The following DNAH10 variants were observed in gnomAD, a reference collection of about 807,000 sequenced individuals.
DNAH10 encodes axonemal beta dynein heavy chain 10.
In DNAH10, 348 loss-of-function variants were observed where a neutral mutation model predicts 506.6. The observed-to-expected ratio is 0.69, with a 90% confidence interval of 0.63 to 0.75. The LOEUF (loss-of-function observed/expected upper bound fraction) is 0.75, where lower values mean the gene tolerates loss of function less well. DNAH10 is among the 30% of genes least tolerant of loss of function. DNAH10 has a pLI of 0.00. For synonymous variants in DNAH10, 2,059 were observed against 2,198.6 expected (o/e 0.94, Z 1.78); for missense variants, 5,179 against 5,787.1 (o/e 0.89, Z 3.41).
At position 123,785,918 on chromosome 12, in the gene DNAH10, A is replaced by G; in HGVS notation, c.1403A>G (p.Asn468Ser). 1.9e-6 allele frequency: 3 copies of G among 1,612,148 alleles called. No individual in the cohort carries two copies. Among genetic ancestry groups the G allele is most frequent in the South Asian group, 1.1e-5 (1 of 91,030 alleles). Reference protein sequence around the residue: ...EIAERVCRVVNLRTLFKENRA... With the variant: ...EIAERVCRVVSLRTLFKENRA... ...GCTGAGAGAGTCTGCCGAGTGGTCA[A>G]CCTGCGGACTTTGTTCAAGTAAGAA... Residue 468 changes from asparagine to serine, a missense_variant, in exon 9 of 79, where the codon AAC becomes AGC. Coordinates refer to ENST00000673944, the MANE Select transcript of DNAH10 (RefSeq NM_001372106.1). This position sits in a 1 kb window ranked among gnomAD's most constrained non-coding sequence, Gnocchi z 4.1.
chr12:123,932,513 T>C (rs1955264983), intron 76 of DNAH10: 1 of 176,068 alleles, frequency 5.7e-6, no homozygotes, highest in South Asian at 1.5e-4. Flanking sequence ...ACAAATAACA[T>C]TCTGGTGCAC....
intron 11 of DNAH10, among the ~76,000 whole-genome samples, chr12:123,791,729 T>C (rs1958087699): frequency 6.6e-6 from 1 of 152,004 alleles, no homozygotes; most frequent in African/African-American, 2.4e-5. Flanking sequence ...AGCATGTGTC[T>C]GGCTAATTTT....
intron 10 of DNAH10, among the ~76,000 whole-genome samples, 197 bp downstream of exon 10, chr12:123,788,199 G>T (rs1172091321): frequency 6.6e-6 from 1 of 152,170 alleles, no homozygotes; most frequent in African/African-American, 2.4e-5. Context: ...GCGACTTTTT[G>T]TTGCTTTCTC....
chr12:123,801,223 G>A, intron 15 of DNAH10, 58 bp from the exon 16 acceptor site: 1 of 1,526,404 alleles, frequency 6.6e-7, no homozygotes, highest in Non-Finnish European at 8.8e-7. Context: ...GACCGCAAAA[G>A]CTTTTGATGA....
At chr12:123,889,530 A>C (rs1256834486) in intron 52 of DNAH10, among the ~76,000 whole-genome samples, 6 of 152,168 alleles carry the variant, frequency 3.9e-5, no homozygotes, top group Admixed American at 3.9e-4. Context: ...GGTTAACGAC[A>C]ACAACAACTA....
intron 6 of DNAH10, 29 bp from the exon 7 acceptor site, chr12:123,783,078 T>C (rs1370016209): frequency 1.2e-6 from 2 of 1,610,598 alleles, no homozygotes; most frequent in Non-Finnish European, 1.7e-6. Flanking sequence ...CCTGAACGAA[T>C]GACTGACTGA....
intron 67 of DNAH10, 45 bp downstream of exon 67, chr12:123,924,477 A>C: frequency 6.3e-7 from 1 of 1,597,256 alleles, no homozygotes. Context: ...CCCACATGTC[A>C]ACAATCTCCA....
chr12:123,767,277 A>C (rs560718423), intron 1 of DNAH10, among the ~76,000 whole-genome samples: 4 of 152,308 alleles, frequency 2.6e-5, no homozygotes, highest in African/African-American at 9.6e-5. Flanking sequence ...TTTGAAATGT[A>C]CAGTTTAGGG....
Position 123,913,696 on chromosome 12 carries a change from G to C in DNAH10, c.10352+381G>C, listed in dbSNP as rs1306445410. Reference sequence around the variant, plus strand: ...CTGTCACCGCACAGATGCCTTCTAAGGGTCCCAGTGGCTTGTTCAATCCTG... The same window carrying C: ...CTGTCACCGCACAGATGCCTTCTAACGGTCCCAGTGGCTTGTTCAATCCTG... On this transcript the variant is annotated intron_variant, in intron 60 of 78. Transcript: ENST00000673944. This position sits in a 1 kb window ranked among gnomAD's most constrained non-coding sequence, Gnocchi z 5.1. Among the ~76,000 whole-genome samples the C allele has an allele frequency of 6.6e-6, 1 of 152,204 alleles. No homozygotes were observed. Among genetic ancestry groups the C allele is most frequent in the Non-Finnish European group, 1.5e-5 (1 of 68,038 alleles).
Position 123,918,661 on chromosome 12 carries a change from T to C in DNAH10, c.11233-15T>C. ...CAGTCTTCCTGTTTCCAGGGTCACC[T>C]GTGCTTTTCTTCAGGTCTCAGAGAA... On this transcript the variant is annotated splice_polypyrimidine_tract_variant and intron_variant, in intron 64 of 78. Coordinates refer to ENST00000673944, the MANE Select transcript of DNAH10 (RefSeq NM_001372106.1). 3 of 1,538,322 alleles carry C rather than the reference T, an allele frequency of 2.0e-6. No homozygotes were observed. The highest frequency in any genetic ancestry group is 2.6e-6 in the Non-Finnish European group (3 of 1,140,740).
intron 57 of DNAH10, among the ~76,000 whole-genome samples, chr12:123,904,565 G>A (rs1953688035): frequency 6.6e-6 from 1 of 152,174 alleles, no homozygotes; most frequent in Non-Finnish European, 1.5e-5. Context: ...CGTGGCATGT[G>A]TCCCCTGCAG....
rs534409995 is a variant in DNAH10 at position 123,853,821 on chromosome 12, C to G, written c.6438+469C>G. Among the ~76,000 whole-genome samples the G allele has an allele frequency of 6.6e-6, 1 of 151,310 alleles. No homozygotes were observed. The highest frequency in any genetic ancestry group is 2.4e-5 in the African/African-American group (1 of 40,946). On this transcript the variant is annotated intron_variant, in intron 36 of 78. Coordinates refer to ENST00000673944, the MANE Select transcript of DNAH10 (RefSeq NM_001372106.1). The surrounding 1 kb of genome is among the most constrained non-coding windows in gnomAD (Gnocchi z 4.7). Reference sequence around the variant, plus strand: ...CTGTACTCAATGTTGCACGCACACACGCACGCACACACACGCACACGCACG... The same window carrying G: ...CTGTACTCAATGTTGCACGCACACAGGCACGCACACACACGCACACGCACG...
At chr12:123,812,235 AG>A (rs1352573334) in intron 19 of DNAH10, among the ~76,000 whole-genome samples, 1 of 152,088 alleles carries the variant, frequency 6.6e-6, no homozygotes, top group African/African-American at 2.4e-5. Flanking sequence ...GCGGATCACG[AG>A]GTCAGGAGAT....
intron 36 of DNAH10, among the ~76,000 whole-genome samples, chr12:123,854,242 C>A (rs1002124972): frequency 2.0e-5 from 3 of 151,986 alleles, no homozygotes; most frequent in African/African-American, 7.3e-5. Flanking sequence ...CATTTTCTCC[C>A]CTGCTCCTCT....
intron 50 of DNAH10, 68 bp downstream of exon 50, chr12:123,879,869 C>A: frequency 6.4e-7 from 1 of 1,553,958 alleles, no homozygotes; most frequent in Non-Finnish European, 8.7e-7. Flanking sequence ...GGGAGCTGAG[C>A]ATCGCGCGGG....
chr12:123,813,615 T>G lies in DNAH10; in HGVS notation c.3596T>G (p.Leu1199Arg). ...KLLNESAKEE[L>R]YNLHEEMEHL... Reference sequence around the variant, plus strand: ...CTCAATGAGTCAGCAAAAGAGGAGCTCTATAATCTCCATGAAGAGATGGAG... The same window carrying G: ...CTCAATGAGTCAGCAAAAGAGGAGCGCTATAATCTCCATGAAGAGATGGAG... The change falls in exon 20 of 79, where the codon CTC (leucine) becomes CGC (arginine). Residue 1199 changes from leucine (L) to arginine (R), a missense_variant. By Grantham distance (102) the Leu-to-Arg change is moderately radical. Transcript: ENST00000673944. The G allele has an allele frequency of 6.2e-7, 1 of 1,614,208 alleles. No homozygotes were observed.
rs751930117 is a variant in DNAH10, at chr12:123,881,739, G to A, written c.8749G>A (p.Ala2917Thr). ...TATCATCCGCATGGACCGCGGCCAC[G>A]CCCTGCTGGTCGGGGTAGGGGGCTC... Reference protein sequence around the residue: ...HRIIRMDRGHALLVGVGGSGK... With the variant: ...HRIIRMDRGHTLLVGVGGSGK... The change falls in exon 51 of 79, where the codon GCC (alanine) becomes ACC (threonine). Residue 2917 changes from alanine (A) to threonine (T), a missense_variant. Transcript: ENST00000673944. The A allele has an allele frequency of 3.3e-5, 51 of 1,547,412 alleles. No homozygotes were observed. The highest frequency in any genetic ancestry group is 4.3e-5 in the Non-Finnish European group (49 of 1,145,330).
At chr12:123,796,927 G>A (rs112316270) in intron 13 of DNAH10, 95 bp downstream of exon 13, 75,454 of 1,206,520 alleles carry the variant, frequency 0.063, 2,703 homozygotes, top group African/African-American at 0.1. Context: ...CTGGAGTGCA[G>A]TGGCGCAATC....
chr12:123,868,117 C>G lies in DNAH10; in HGVS notation c.7517C>G (p.Pro2506Arg). The G allele has an allele frequency of 1.9e-6, 3 of 1,612,224 alleles. No homozygotes were observed. Among genetic ancestry groups the G allele is most frequent in the Non-Finnish European group, 2.5e-6 (3 of 1,179,568 alleles). The change falls in exon 43 of 79, where the codon CCA becomes CGA. Residue 2506 changes from proline (P) to arginine (R), a missense_variant and splice_region_variant. This residue lies in a region of DNAH10 where 4,844 missense variants were observed against 5,430.5 expected (regional missense o/e 0.89). Coordinates refer to ENST00000673944, the MANE Select transcript of DNAH10 (RefSeq NM_001372106.1). ...GTTTGGGCCAACCCTGGGGAACTGC[C>G]AGGTGGGAACCGAGTGTCGCCTGTT... ...EGVWANPGEL[P>R]GQLPTLYDFH...
Sources: allele counts gnomAD v4.1 joint callset (sites outside exome capture counted in the v4.1 genomes callset), GRCh38; gene constraint gnomAD v4.1.1; regional missense constraint gnomAD v4.1.1; non-coding constraint Gnocchi (gnomAD v3.1); transcripts MANE v1.5; gene names NCBI Gene and HGNC (gene_info 2026-07-23, HGNC 2026-07-21).